ZBTB7C: variants seen among roughly 807,000 people sequenced by gnomAD.
The protein encoded by ZBTB7C is zinc finger and BTB domain containing 7C.
Under a neutral mutation model 25.7 loss-of-function variants are expected in ZBTB7C, and 8 were observed. That is an observed-to-expected ratio of 0.31 (90% CI 0.18 to 0.56). ZBTB7C has a LOEUF of 0.56. Ranked by LOEUF, ZBTB7C falls within the 20% of genes least tolerant of loss-of-function variation. The probability of loss-of-function intolerance (pLI) is 0.91; values close to 1 mark genes in which losing one functional copy is unlikely to be tolerated. For synonymous variants in ZBTB7C, 394 were observed against 369.0 expected (o/e 1.07, Z -0.78); for missense variants, 824 against 855.2 (o/e 0.96, Z 0.46).
At chr18:48,303,013 G>T (rs530861653) in intron 2 of ZBTB7C, among the ~76,000 whole-genome samples, 18 of 152,342 alleles carry the variant, frequency 1.2e-4, no homozygotes, top group African/African-American at 4.1e-4. Flanking sequence ...AGCAGTTCCA[G>T]CAGGCCAGGC....
intron 3 of ZBTB7C, among the ~76,000 whole-genome samples, chr18:48,109,051 G>C (rs7234350): frequency 0.54 from 82,434 of 151,846 alleles, 23,759 homozygotes; most frequent in African/African-American, 0.75. Flanking sequence ...CTTCCTAGAG[G>C]AGGAGAGCTT....
intron 2 of ZBTB7C, among the ~76,000 whole-genome samples, chr18:48,280,095 T>C (rs10451390): frequency 0.079 from 12,096 of 152,224 alleles, 554 homozygotes; most frequent in African/African-American, 0.12. Context: ...GAACTCACCC[T>C]ACAATTAGAA....
At chr18:48,036,174 T>C (rs1267101442) in intron 4 of ZBTB7C, among the ~76,000 whole-genome samples, 2 of 152,232 alleles carry the variant, frequency 1.3e-5, no homozygotes, top group Non-Finnish European at 2.9e-5. Context: ...GGCTGGAATC[T>C]AGAGCTGCCT....
chr18:48,381,630 G>A (rs1249606983), intron 1 of ZBTB7C, among the ~76,000 whole-genome samples: 33 of 152,210 alleles, frequency 2.2e-4, no homozygotes, highest in Admixed American at 2.2e-3. Flanking sequence ...GGGAGGATGA[G>A]GGAGGTAATG....
chr18:48,226,912 C>T (rs964451715), intron 2 of ZBTB7C, among the ~76,000 whole-genome samples: 9 of 149,368 alleles, frequency 6.0e-5, no homozygotes, highest in East Asian at 2.0e-4. Context: ...CCCAGCTACT[C>T]GGGAGGCTGA....
chr18:48,109,027 C>T (rs989179747), intron 3 of ZBTB7C, among the ~76,000 whole-genome samples: 5 of 152,080 alleles, frequency 3.3e-5, no homozygotes, highest in African/African-American at 1.2e-4. Flanking sequence ...TCAGAGGATG[C>T]TGAAGCAGGG....
chr18:48,097,532 G>T (rs1054639655), intron 3 of ZBTB7C, among the ~76,000 whole-genome samples: 2 of 152,150 alleles, frequency 1.3e-5, no homozygotes, highest in Non-Finnish European at 2.9e-5. Flanking sequence ...GAGTAGCTGG[G>T]ACTACAGGCG....
rs1048159007 is a variant in ZBTB7C at position 48,029,159 on chromosome 18, G to A, written c.*101C>T. 9.4e-6 allele frequency: 13 copies of A among 1,378,956 alleles called. No individual in the cohort carries two copies. Among genetic ancestry groups the A allele is most frequent in the African/African-American group, 1.5e-5 (1 of 64,764 alleles). 85.4% of individuals were successfully genotyped at this position (1,378,956 alleles called of 1,614,324 possible). A position where few individuals can be genotyped will look rare whatever the true frequency, so the allele number is the denominator to read the frequency against. On this transcript the variant is annotated 3_prime_UTR_variant, in exon 5 of 5. Coordinates refer to ENST00000590800, the MANE Select transcript of ZBTB7C (RefSeq NM_001318841.2). ...ATTATTATTTTCCCATTTTCCCTTTGTGTTTTTAAAATGAAAAGTTCAGAT... is the reference window on the plus strand; with the variant it reads ...ATTATTATTTTCCCATTTTCCCTTTATGTTTTTAAAATGAAAAGTTCAGAT...
In ZBTB7C at chr18:48,376,104, G is replaced by T. The variant is rs569084213; in HGVS notation, c.-304+33122C>A. ...TCCTCACCAGCTCCCAGGTGATGTGGATGCTGCTAGTCCCGGGACCACACT... is the reference window on the plus strand; with the variant it reads ...TCCTCACCAGCTCCCAGGTGATGTGTATGCTGCTAGTCCCGGGACCACACT... On this transcript the variant is annotated intron_variant, in intron 1 of 4. Transcript: ENST00000590800. Among the ~76,000 whole-genome samples the T allele has an allele frequency of 1.0e-3, 157 of 152,344 alleles. 3 individuals are homozygous for T. The highest frequency in any genetic ancestry group is 6.8e-3 in the Middle Eastern group (2 of 294).
chr18:48,334,351 G>C (rs575792234), intron 2 of ZBTB7C, among the ~76,000 whole-genome samples: 1 of 152,260 alleles, frequency 6.6e-6, no homozygotes, highest in East Asian at 1.9e-4. Context: ...GAGCACCTAG[G>C]GGGAGCACCT....
At chr18:48,114,158 G>A (rs1267280858) in intron 3 of ZBTB7C, among the ~76,000 whole-genome samples, 1 of 152,160 alleles carries the variant, frequency 6.6e-6, no homozygotes, top group African/African-American at 2.4e-5. Flanking sequence ...TGAGGATGTG[G>A]GGACACTGGG....
intron 3 of ZBTB7C, among the ~76,000 whole-genome samples, chr18:48,049,074 C>T (rs1238482422): frequency 6.6e-6 from 1 of 152,164 alleles, no homozygotes; most frequent in Non-Finnish European, 1.5e-5. Context: ...TAGCCTACTG[C>T]TCAAGGTCAT....
At chr18:48,159,671 T>C (rs1374766088) in intron 3 of ZBTB7C, among the ~76,000 whole-genome samples, 3 of 152,250 alleles carry the variant, frequency 2.0e-5, no homozygotes, top group Admixed American at 2.0e-4. Flanking sequence ...TAATCATTCA[T>C]TTTACCCTCT....
At chr18:48,263,527 T>C (rs938573447) in intron 2 of ZBTB7C, among the ~76,000 whole-genome samples, 1 of 152,196 alleles carries the variant, frequency 6.6e-6, no homozygotes, top group African/African-American at 2.4e-5. Context: ...AATGAATGCA[T>C]GCAGCTGAGC....
intron 3 of ZBTB7C, among the ~76,000 whole-genome samples, chr18:48,096,688 G>T (rs1307960369): frequency 6.6e-6 from 1 of 152,130 alleles, no homozygotes; most frequent in Non-Finnish European, 1.5e-5. Flanking sequence ...TCATAAGTCT[G>T]AATCTCCACG....
At chr18:48,305,586 GA>G (rs1356844998) in intron 2 of ZBTB7C, among the ~76,000 whole-genome samples, 1 of 152,176 alleles carries the variant, frequency 6.6e-6, no homozygotes, top group Non-Finnish European at 1.5e-5. Flanking sequence ...CAAGTGGAGA[GA>G]ATAGTAACAT....
rs575238803 is a variant in ZBTB7C, at chr18:48,109,881, C to A, written c.-16-68758G>T. Among the ~76,000 whole-genome samples, 32 of 152,294 alleles carry A rather than the reference C, an allele frequency of 2.1e-4. No individual in the cohort carries two copies. In the Middle Eastern group the frequency reaches 0.017, roughly 81 times the overall value. On this transcript the variant is annotated intron_variant, in intron 3 of 4. Transcript: ENST00000590800. ...TGCACCACTGCAGCCACCCTCCCCC[C>A]AAACACTTCTCTCTAGCACTCCCAG...
At chr18:48,224,418 C>A (rs2043038032) in intron 2 of ZBTB7C, among the ~76,000 whole-genome samples, 1 of 152,132 alleles carries the variant, frequency 6.6e-6, no homozygotes, top group Non-Finnish European at 1.5e-5. Context: ...TCATGGGACA[C>A]AAGGAGGCAC....
In ZBTB7C at chr18:48,233,226, C is replaced by T. The variant is rs117488314; in HGVS notation, c.-78-47231G>A. Among the ~76,000 whole-genome samples the T allele has an allele frequency of 7.4e-3, 1,126 of 152,226 alleles. 10 individuals carry two copies. Among genetic ancestry groups the T allele is most frequent in the South Asian group, 0.012 (59 of 4,820 alleles). Reference sequence around the variant, plus strand: ...AATGACAAGTTTGCACTCTCTCGCGCGCACGCTCTCTCTCTCCCTTCACCC... The same window carrying T: ...AATGACAAGTTTGCACTCTCTCGCGTGCACGCTCTCTCTCTCCCTTCACCC... On this transcript the variant is annotated intron_variant, in intron 2 of 4. Transcript: ENST00000590800.
Sources: gnomAD v4.1 joint callset for allele counts (sites outside exome capture counted in the v4.1 genomes callset) on GRCh38, gnomAD v4.1.1 for gene constraint, MANE v1.5 for transcripts, NCBI Gene and HGNC (gene_info 2026-07-23, HGNC 2026-07-21) for gene names.